Variants in GAL3ST4 observed in about 807,000 individuals in gnomAD.
GAL3ST4 encodes galactose-3-O-sulfotransferase 4.
A neutral mutation model predicts 31.6 loss-of-function variants in GAL3ST4; 30 were observed. That is an observed-to-expected ratio of 0.95 (90% CI 0.71 to 1.29). GAL3ST4 has a LOEUF of 1.29. Among genes scored for constraint, GAL3ST4 ranks in the 50% most tolerant of loss-of-function variants. The pLI, the probability that GAL3ST4 is intolerant of heterozygous loss-of-function variation, is 0.00. For synonymous variants in GAL3ST4, 248 were observed against 256.9 expected (o/e 0.97, Z 0.33); for missense variants, 629 against 625.2 (o/e 1.01, Z -0.06).
chr7:100,167,326 G>A, intron 1 of GAL3ST4, 43 bp from the exon 2 acceptor site: 1 of 1,024,686 alleles, frequency 9.8e-7, no homozygotes, highest in Non-Finnish European at 1.4e-6. Flanking sequence ...TCTAAGGAGA[G>A]AGGCAGAGGC....
At chr7:100,161,524 G>A (rs902099616) in intron 3 of GAL3ST4, among the ~76,000 whole-genome samples, 4 of 152,038 alleles carry the variant, frequency 2.6e-5, no homozygotes, top group East Asian at 1.9e-4. Flanking sequence ...GATGGCACAC[G>A]CCTGTAATCC....
chr7:100,161,611 A>T (rs1799004740), intron 3 of GAL3ST4, among the ~76,000 whole-genome samples: 1 of 150,470 alleles, frequency 6.6e-6, no homozygotes, highest in African/African-American at 2.5e-5. Flanking sequence ...AGATCGTGCC[A>T]CTGCACTTGA....
intron 3 of GAL3ST4, among the ~76,000 whole-genome samples, chr7:100,161,297 C>G (rs1378707216): frequency 1.3e-5 from 2 of 152,052 alleles, no homozygotes; most frequent in Non-Finnish European, 2.9e-5. Flanking sequence ...ATGGCTTGAG[C>G]ATTGCTATGT....
rs1333645822 is a variant in GAL3ST4, at chr7:100,160,675, T to A, written c.714A>T (p.Pro238=). The part of the protein sequence containing the change: ...NIHPPRDPNP[P]QLQVLPSGAG... ...CACCAGAAGGCAAGACCTGCAGCTG[T>A]GGGGGGTTGGGGTCTCTGGGGGGAT... Residue 238 remains proline (P), a synonymous_variant, in exon 4 of 4, where the codon CCA becomes CCT. Transcript: ENST00000360039. The A allele has an allele frequency of 6.2e-7, 1 of 1,613,436 alleles. No individual in the cohort carries two copies. The highest frequency in any genetic ancestry group is 2.2e-5 in the East Asian group (1 of 44,882).
At position 100,160,303 on chromosome 7, in the gene GAL3ST4, C is replaced by G. The variant is rs771809327; in HGVS notation, c.1086G>C (p.Trp362Cys). 3.1e-6 allele frequency: 5 copies of G among 1,613,690 alleles called. No individual in the cohort carries two copies. Among genetic ancestry groups the G allele is most frequent in the Non-Finnish European group, 4.2e-6 (5 of 1,179,862 alleles). Residue 362 changes from tryptophan (W) to cysteine (C), a missense_variant, in exon 4 of 4, where the codon TGG (tryptophan) becomes TGC (cysteine). Transcript: ENST00000360039. ...CATAGAGAGCCCAGTCCAGGTTGTT[C>G]CAGGCTCGGGCCCGTGCAGTCAGCT... ...DRQLTARARA[W>C]NNLDWALYVH...
chr7:100,167,102 C>T lies in GAL3ST4; in HGVS notation c.-7G>A, dbSNP rs1799088169. On this transcript the variant is annotated 5_prime_UTR_variant, in exon 2 of 4. It adds an upstream start codon to the 5' untranslated region. Transcript: ENST00000360039. ...CAGGAGAGAGAGGGCCCATGTGGCA[C>T]AGGGAAGGGTGAGGTGACAGAGAGA... The T allele has an allele frequency of 6.4e-7, 1 of 1,553,338 alleles. No homozygotes were observed. Among genetic ancestry groups the T allele is most frequent in the Non-Finnish European group, 8.7e-7 (1 of 1,147,788 alleles).
intron 3 of GAL3ST4, among the ~76,000 whole-genome samples, chr7:100,165,175 T>C (rs530964563): frequency 1.3e-5 from 2 of 151,028 alleles, no homozygotes; most frequent in African/African-American, 2.4e-5. Flanking sequence ...CGCCCGGCCT[T>C]TTTTTTCTTT....
Position 100,160,615 on chromosome 7 carries a change from G to C in GAL3ST4, c.774C>G (p.Ala258=), listed in dbSNP as rs1798985296. The C allele has an allele frequency of 6.2e-7, 1 of 1,613,708 alleles. No homozygotes were observed. Among genetic ancestry groups the C allele is most frequent in the Admixed American group, 1.7e-5 (1 of 60,012 alleles). ...TAACAGTGGAAACAGGATGGATGAG[G>C]GCATTGGGATTGAGGGTTTGGGCTC... ...GPRAQTLNPN[A]LIHPVSTVTD... Residue 258 remains alanine, a synonymous_variant, in exon 4 of 4, where the codon GCC becomes GCG. Coordinates refer to ENST00000360039, the MANE Select transcript of GAL3ST4 (RefSeq NM_024637.5).
chr7:100,163,536 T>C (rs1038885263), intron 3 of GAL3ST4, among the ~76,000 whole-genome samples: 5 of 151,804 alleles, frequency 3.3e-5, no homozygotes, highest in African/African-American at 1.2e-4. Flanking sequence ...TTTCAGTGTT[T>C]ATTTTCTTCT....
At position 100,160,455 on chromosome 7, in the gene GAL3ST4, C is replaced by T. The variant is rs1216720312; in HGVS notation, c.934G>A (p.Val312Ile). ...CAGCACAGGGCATCTGCCAGCAGAA[C>T]CAATGACTCATCGAAGTACTCAGCC... ...MVAEYFDESL[V>I]LLADALCWGL... is the part of the protein sequence containing the mutation. Residue 312 changes from valine (V) to isoleucine (I), a missense_variant, in exon 4 of 4, where the codon GTT becomes ATT. By Grantham distance (29) the Val-to-Ile change is conservative. Coordinates refer to ENST00000360039, the MANE Select transcript of GAL3ST4 (RefSeq NM_024637.5). 2 of 1,614,140 alleles carry T rather than the reference C, an allele frequency of 1.2e-6. No individual in the cohort carries two copies. The highest frequency in any genetic ancestry group is 1.1e-5 in the South Asian group (1 of 91,086).
At chr7:100,161,442 A>C (rs1401884433) in intron 3 of GAL3ST4, among the ~76,000 whole-genome samples, 1 of 152,130 alleles carries the variant, frequency 6.6e-6, no homozygotes. Flanking sequence ...TGAGGTCAGG[A>C]GTTCGAGACC....
chr7:100,162,687 G>A (rs967179956), intron 3 of GAL3ST4, among the ~76,000 whole-genome samples: 5 of 149,794 alleles, frequency 3.3e-5, no homozygotes, highest in Non-Finnish European at 7.4e-5. Context: ...AAGGAAGAGA[G>A]AGAGAGCATG....
Position 100,160,093 on chromosome 7 carries a change from A to G in GAL3ST4, c.1296T>C (p.Ala432=). The change falls in exon 4 of 4, where the codon GCT becomes GCC. Residue 432 remains alanine, a synonymous_variant. Transcript: ENST00000360039. ...TCCGAAGTATATAGCCCAAAACCTTAGCTGACCCAAACTGGAAGGGGCGGA... is the reference window on the plus strand; with the variant it reads ...TCCGAAGTATATAGCCCAAAACCTTGGCTGACCCAAACTGGAAGGGGCGGA... ...RRFRPFQFGS[A]KVLGYILRSG... 1 of 1,614,106 alleles carries G rather than the reference A, an allele frequency of 6.2e-7. No individual in the cohort carries two copies. The highest frequency in any genetic ancestry group is 8.5e-7 in the Non-Finnish European group (1 of 1,179,996).
In GAL3ST4 at chr7:100,160,037, C is replaced by T. The variant is rs1798970741; in HGVS notation, c.1352G>A (p.Cys451Tyr). ...GAGCTCAGGGGTAGCTAGGCGCTCA[C>T]ATTCCTCTTGGTCTTGGGGGCTCAA... is the stretch of plus-strand genomic sequence containing the variant. ...SGLSPQDQEE[C>Y]ERLATPELQY... Residue 451 changes from cysteine (C) to tyrosine (Y), a missense_variant, in exon 4 of 4, where the codon TGT becomes TAT. By Grantham distance (194) the Cys-to-Tyr change is radical. Transcript: ENST00000360039. 1.2e-6 allele frequency: 2 copies of T among 1,614,112 alleles called. No individual in the cohort carries two copies. The highest frequency in any genetic ancestry group is 1.7e-4 in the Middle Eastern group (1 of 6,060).
rs1038370919 is a variant in GAL3ST4 at position 100,160,022 on chromosome 7, G to A, written c.1367C>T (p.Thr456Ile). The change falls in exon 4 of 4, where the codon ACC (threonine) becomes ATC (isoleucine). Residue 456 changes from threonine to isoleucine, a missense_variant. Physicochemically the swap from Thr to Ile is moderately conservative, Grantham distance 89 (BLOSUM62 -1). Transcript: ENST00000360039. ...QDQEECERLA[T>I]PELQYKDKLD... ...CTTGTCCTTGTACTGGAGCTCAGGG[G>A]TAGCTAGGCGCTCACATTCCTCTTG... 10 of 1,613,986 alleles carry A rather than the reference G, an allele frequency of 6.2e-6. No homozygotes were observed. The highest frequency in any genetic ancestry group is 1.3e-5 in the African/African-American group (1 of 74,898).
In GAL3ST4 at chr7:100,159,975, G is replaced by A. The variant is rs149961692; in HGVS notation, c.1414C>T (p.Pro472Ser). Residue 472 changes from proline (P) to serine (S), a missense_variant, in exon 4 of 4, where the codon CCT becomes TCT. Physicochemically the swap from Pro to Ser is moderately conservative, Grantham distance 74. Coordinates refer to ENST00000360039, the MANE Select transcript of GAL3ST4 (RefSeq NM_024637.5). Reference sequence around the variant, plus strand: ...GTCTTGAGGGGCAGTGAGACGGTAGGGGGGAACTGCTTGGCATCCAGCTTG... The same window carrying A: ...GTCTTGAGGGGCAGTGAGACGGTAGAGGGGAACTGCTTGGCATCCAGCTTG... ...KDKLDAKQFP[P>S]TVSLPLKTSR... 32 of 1,613,420 alleles carry A rather than the reference G, an allele frequency of 2.0e-5. No homozygotes were observed. The highest frequency in any genetic ancestry group is 2.5e-5 in the Non-Finnish European group (29 of 1,179,720).
intron 3 of GAL3ST4, among the ~76,000 whole-genome samples, chr7:100,164,327 C>T (rs1799042375): frequency 6.6e-6 from 1 of 152,136 alleles, no homozygotes; most frequent in Non-Finnish European, 1.5e-5. Flanking sequence ...AAGAATGCCT[C>T]ATGCTGTCCT....
Position 100,167,225 on chromosome 7 carries a change from G to A in GAL3ST4, c.-130C>T. On this transcript the variant is annotated 5_prime_UTR_variant, in exon 2 of 4. Coordinates refer to ENST00000360039, the MANE Select transcript of GAL3ST4 (RefSeq NM_024637.5). The stretch of plus-strand genomic sequence containing the variant: ...GATCGGGGGGTCATTCCCCAGGCCT[G>A]CTCACAGTCTTGGTTGAGTCTGCCC... 1 of 1,528,962 alleles carries A rather than the reference G, an allele frequency of 6.5e-7. No homozygotes were observed. Among genetic ancestry groups the A allele is most frequent in the Non-Finnish European group, 8.8e-7 (1 of 1,135,646 alleles). 94.7% of individuals were successfully genotyped at this position (1,528,962 alleles called of 1,614,324 possible).
In GAL3ST4 at chr7:100,160,660, C is replaced by G; in HGVS notation, c.729G>C (p.Leu243Phe). Residue 243 changes from leucine (L) to phenylalanine (F), a missense_variant, in exon 4 of 4, where the codon TTG becomes TTC. Coordinates refer to ENST00000360039, the MANE Select transcript of GAL3ST4 (RefSeq NM_024637.5). ...RDPNPPQLQV[L>F]PSGAGPRAQT... ...GGGCTCGAGGGCCAGCACCAGAAGGCAAGACCTGCAGCTGTGGGGGGTTGG... is the reference window on the plus strand; with the variant it reads ...GGGCTCGAGGGCCAGCACCAGAAGGGAAGACCTGCAGCTGTGGGGGGTTGG... 1 of 1,613,878 alleles carries G rather than the reference C, an allele frequency of 6.2e-7. No individual in the cohort carries two copies. Among genetic ancestry groups the G allele is most frequent in the Non-Finnish European group, 8.5e-7 (1 of 1,180,010 alleles).
Sources: allele counts gnomAD v4.1 joint callset (sites outside exome capture counted in the v4.1 genomes callset), GRCh38; gene constraint gnomAD v4.1.1; transcripts MANE v1.5; gene names NCBI Gene and HGNC (gene_info 2026-07-23, HGNC 2026-07-21).